RBM47: variants seen among roughly 807,000 people sequenced by gnomAD.
RBM47 encodes RNA-binding protein 47.
RBM47 carries 21 observed loss-of-function variants against 47.1 expected under a neutral mutation model. The observed-to-expected ratio is 0.45, with a 90% CI of 0.32 to 0.64. RBM47 has a LOEUF of 0.64. RBM47 is among the 30% of genes least tolerant of loss of function. The probability of loss-of-function intolerance (pLI) is 0.05; values close to 1 mark genes in which losing one functional copy is unlikely to be tolerated. For missense variants in RBM47, 708 were observed against 870.9 expected (o/e 0.81, Z 2.35); for synonymous variants, 375 against 361.7 (o/e 1.04, Z -0.42).
chr4:40,536,682 T>C lies in RBM47; in HGVS notation c.-155+7740A>G, dbSNP rs137867915. 3.1e-3 allele frequency among the ~76,000 whole-genome samples: 469 copies of C among 152,086 alleles called. 3 individuals carry two copies. The highest frequency in any genetic ancestry group is 0.011 in the African/African-American group (441 of 41,436). On this transcript the variant is annotated intron_variant, in intron 2 of 6. Transcript: ENST00000295971. The stretch of plus-strand genomic sequence containing the variant: ...GGTTGAGTCATGGCTCATATCCACC[T>C]CTCTGCCTTTGCAGTTTTTGGTGTG...
intron 1 of RBM47, among the ~76,000 whole-genome samples, chr4:40,607,654 C>T (rs561868283): frequency 1.2e-4 from 18 of 152,234 alleles, no homozygotes. Context: ...CTGCAGAGAG[C>T]TGCGGTCACA....
chr4:40,502,419 T>C (rs1304926170), intron 2 of RBM47, among the ~76,000 whole-genome samples: 4 of 152,226 alleles, frequency 2.6e-5, no homozygotes, highest in Non-Finnish European at 5.9e-5. Context: ...CCCTGAATGC[T>C]GCTGAGAAAT....
At chr4:40,538,917 G>C (rs1167173616) in intron 2 of RBM47, among the ~76,000 whole-genome samples, 1 of 152,182 alleles carries the variant, frequency 6.6e-6, no homozygotes, top group Non-Finnish European at 1.5e-5. Flanking sequence ...TTACAGATGT[G>C]AGCCACTGTG....
At chr4:40,466,771 T>TGGGG (rs35753742) in intron 2 of RBM47, 72 bp from the exon 3 acceptor site, 1 of 51,800 alleles carries the variant, frequency 1.9e-5, no homozygotes, top group Non-Finnish European at 3.9e-5. Context: ...CATTAGAAAT[T>TGGGG]GGGGGGGGGG....
intron 1 of RBM47, among the ~76,000 whole-genome samples, chr4:40,577,109 G>A (rs1017049665): frequency 6.6e-6 from 1 of 152,130 alleles, no homozygotes; most frequent in Admixed American, 6.5e-5. Context: ...TGAGGGTCAC[G>A]TGCTAAAGAG....
At chr4:40,549,631 T>C (rs1729367936) in intron 1 of RBM47, among the ~76,000 whole-genome samples, 1 of 150,796 alleles carries the variant, frequency 6.6e-6, no homozygotes, top group Admixed American at 6.6e-5. Context: ...CAAGCAATTC[T>C]CCTGCCTCAG....
At chr4:40,437,117 C>CATATATATAT (rs767630676) in intron 4 of RBM47, among the ~76,000 whole-genome samples, 1 of 53,288 alleles carries the variant, frequency 1.9e-5, no homozygotes, top group Non-Finnish European at 3.1e-5. Context: ...ATATAAAATA[C>CATATATATAT]ATATATATAT....
chr4:40,508,450 A>G (rs1029280470), intron 2 of RBM47, among the ~76,000 whole-genome samples: 45 of 152,354 alleles, frequency 3.0e-4, no homozygotes, highest in African/African-American at 1.0e-3. Flanking sequence ...CAGCTCATAT[A>G]GTCATGTTTT....
At chr4:40,452,429 T>C (rs1715586327) in intron 3 of RBM47, among the ~76,000 whole-genome samples, 1 of 152,170 alleles carries the variant, frequency 6.6e-6, no homozygotes, top group Admixed American at 6.5e-5. Flanking sequence ...AGTGAAAGAA[T>C]GAGTAGCTCT....
intron 3 of RBM47, among the ~76,000 whole-genome samples, chr4:40,461,183 AC>A (rs925061685): frequency 6.6e-6 from 1 of 152,184 alleles, no homozygotes; most frequent in African/African-American, 2.4e-5. Flanking sequence ...AACTCCTGGA[AC>A]AATTGTTGGC....
chr4:40,562,912 G>A (rs1211821031), intron 1 of RBM47, among the ~76,000 whole-genome samples: 2 of 152,236 alleles, frequency 1.3e-5, no homozygotes, highest in African/African-American at 2.4e-5. Flanking sequence ...GTCATTAGGT[G>A]AGCATTATGC....
rs1356376785 is a variant in RBM47 at position 40,528,987 on chromosome 4, A to G, written c.-155+15435T>C. On this transcript the variant is annotated intron_variant, in intron 2 of 6. Coordinates refer to ENST00000295971, the MANE Select transcript of RBM47 (RefSeq NM_001098634.2). ...AAATAAATAAATAAATAAATAAATA[A>G]TAAAGAAAGAAATAATAAAACAGGG... is the stretch of plus-strand genomic sequence containing the variant. Among the ~76,000 whole-genome samples the G allele has an allele frequency of 2.0e-5, 3 of 151,494 alleles. No individual in the cohort carries two copies. The East Asian group carries it at 5.8e-4, about 29-fold the overall frequency.
Position 40,430,010 on chromosome 4 carries a change from G to A in RBM47, c.1542+2641C>T, listed in dbSNP as rs536635446. Among the ~76,000 whole-genome samples the A allele has an allele frequency of 4.1e-3, 628 of 152,022 alleles. 2 individuals carry two copies. Among genetic ancestry groups the A allele is most frequent in the African/African-American group, 0.015 (603 of 41,468 alleles). On this transcript the variant is annotated intron_variant, in intron 6 of 6. Transcript: ENST00000295971. ...GAGATCAAGACCATCCTGGCTAACA[G>A]GTGAAACCCCGTCTCCACTAAAAAA... is the stretch of plus-strand genomic sequence containing the variant.
chr4:40,552,469 T>C (rs764093885), intron 1 of RBM47, among the ~76,000 whole-genome samples: 6 of 152,134 alleles, frequency 3.9e-5, no homozygotes, highest in Non-Finnish European at 7.3e-5. Flanking sequence ...ATTTCAACTA[T>C]TGACGTGTTA....
chr4:40,459,500 A>C (rs761352670), intron 3 of RBM47, among the ~76,000 whole-genome samples: 6 of 152,262 alleles, frequency 3.9e-5, no homozygotes, highest in Non-Finnish European at 7.3e-5. Flanking sequence ...TAGGAGTTCA[A>C]GGCTGCATTG....
intron 3 of RBM47, among the ~76,000 whole-genome samples, chr4:40,460,888 CAAAAAAAAAAAAA>C (rs35536750): frequency 2.2e-5 from 2 of 92,974 alleles, no homozygotes; most frequent in African/African-American, 8.9e-5. Flanking sequence ...GACTCTGTCT[CAAAAAAAAAAAAA>C]AAAAAAAAGA....
chr4:40,626,404 CATTTGA>C (rs775246591), intron 1 of RBM47, among the ~76,000 whole-genome samples: 8 of 152,162 alleles, frequency 5.3e-5, no homozygotes, highest in African/African-American at 1.7e-4. Flanking sequence ...ACACTAGGAA[CATTTGA>C]ATTACAAAAG....
At chr4:40,548,736 G>A (rs1057292499) in intron 1 of RBM47, among the ~76,000 whole-genome samples, 6 of 151,936 alleles carry the variant, frequency 3.9e-5, no homozygotes, top group Non-Finnish European at 5.9e-5. Context: ...GCACCATCTC[G>A]GCTCACTGCA....
chr4:40,614,208 G>A (rs1315405272), intron 1 of RBM47, among the ~76,000 whole-genome samples: 6 of 152,002 alleles, frequency 3.9e-5, no homozygotes, highest in African/African-American at 1.2e-4. Flanking sequence ...TCCTTCCTGC[G>A]ACTTAAAGCC....
Sources: allele counts gnomAD v4.1 joint callset (sites outside exome capture counted in the v4.1 genomes callset), GRCh38; gene constraint gnomAD v4.1.1; transcripts MANE v1.5; gene names NCBI Gene and HGNC (gene_info 2026-07-23, HGNC 2026-07-21).